The following ADTRP variants were observed in gnomAD, a reference collection of about 807,000 sequenced individuals.
The protein encoded by ADTRP is androgen dependent TFPI regulating protein, also known as androgen-dependent TFPI-regulating protein.
Under a neutral mutation model 27.0 loss-of-function variants are expected in ADTRP, and 20 were observed. The observed-to-expected ratio is 0.74, with a 90% CI of 0.52 to 1.08. The LOEUF is 1.08. ADTRP is among the 50% of genes least tolerant of loss of function. ADTRP has a pLI of 0.00. For synonymous variants in ADTRP, 101 were observed against 105.2 expected (o/e 0.96, Z 0.25); for missense variants, 251 against 275.0 (o/e 0.91, Z 0.62).
intron 4 of ADTRP, among the ~76,000 whole-genome samples, chr6:11,731,077 T>C (rs1762364860): frequency 6.6e-6 from 1 of 152,302 alleles, no homozygotes; most frequent in East Asian, 1.9e-4. Context: ...CTCAGAACAG[T>C]GTGCAGCATG....
At chr6:11,749,171 T>C (rs1325811467) in intron 3 of ADTRP, among the ~76,000 whole-genome samples, 1 of 152,110 alleles carries the variant, frequency 6.6e-6, no homozygotes, top group Non-Finnish European at 1.5e-5. Flanking sequence ...GAGTAGCTAA[T>C]GGAATGGATA....
chr6:11,770,279 T>G (rs2235390), intron 1 of ADTRP, among the ~76,000 whole-genome samples: 47,561 of 151,962 alleles, frequency 0.31, 9,028 homozygotes, highest in Non-Finnish European at 0.42. Flanking sequence ...GGGGTTGGGA[T>G]TTTTAAAATC....
chr6:11,760,728 T>A (rs77486071), intron 3 of ADTRP, among the ~76,000 whole-genome samples: 573 of 152,358 alleles, frequency 3.8e-3, no homozygotes, highest in Non-Finnish European at 7.0e-3. Context: ...GACATCATTA[T>A]CTAATAGGCA....
intron 4 of ADTRP, among the ~76,000 whole-genome samples, chr6:11,734,671 A>G (rs1762489983): frequency 6.6e-6 from 1 of 152,090 alleles, no homozygotes; most frequent in Non-Finnish European, 1.5e-5. Flanking sequence ...AGTCCATAAA[A>G]CAGGCACTGC....
At chr6:11,765,601 A>C (rs9380512) in intron 3 of ADTRP, among the ~76,000 whole-genome samples, 19,257 of 152,004 alleles carry the variant, frequency 0.13, 1,614 homozygotes, top group East Asian at 0.47. Flanking sequence ...TGAGTTAGGT[A>C]TTTGAACAAT....
At chr6:11,748,659 T>C (rs1006115602) in intron 3 of ADTRP, among the ~76,000 whole-genome samples, 1 of 152,228 alleles carries the variant, frequency 6.6e-6, no homozygotes, top group African/African-American at 2.4e-5. Flanking sequence ...ACGTACTTCA[T>C]GGAAGGCAGT....
At chr6:11,773,775 T>G (rs987751447) in intron 1 of ADTRP, among the ~76,000 whole-genome samples, 2 of 152,216 alleles carry the variant, frequency 1.3e-5, no homozygotes, top group Admixed American at 1.3e-4. Context: ...ACACAGCAAG[T>G]GAGCACAGCC....
At chr6:11,717,049 A>C in intron 5 of ADTRP, 1 of 301,250 alleles carries the variant, frequency 3.3e-6, no homozygotes, top group East Asian at 1.0e-4. Flanking sequence ...TCTATAACGC[A>C]TAGCTGGAAA....
At chr6:11,743,351 G>A (rs552246715) in intron 3 of ADTRP, among the ~76,000 whole-genome samples, 1 of 152,158 alleles carries the variant, frequency 6.6e-6, no homozygotes, top group African/African-American at 2.4e-5. Context: ...TCTTTAATGT[G>A]GTCTGCAGAG....
chr6:11,720,335 CA>C (rs1057042623), intron 5 of ADTRP, among the ~76,000 whole-genome samples: 2 of 152,144 alleles, frequency 1.3e-5, no homozygotes, highest in Admixed American at 6.5e-5. Flanking sequence ...TGAATACTGG[CA>C]CAGCAGGAAT....
intron 4 of ADTRP, among the ~76,000 whole-genome samples, chr6:11,735,074 T>A (rs557492268): frequency 6.6e-6 from 1 of 152,328 alleles, no homozygotes. Flanking sequence ...TCATCTCCCA[T>A]GCAATTGCCC....
chr6:11,772,252 G>A (rs906177489), intron 1 of ADTRP, among the ~76,000 whole-genome samples: 1 of 152,108 alleles, frequency 6.6e-6, no homozygotes, highest in African/African-American at 2.4e-5. Context: ...TTCTGAGTTC[G>A]TTAGCTGTCT....
chr6:11,756,408 C>T (rs1291387635), intron 3 of ADTRP, among the ~76,000 whole-genome samples: 1 of 152,116 alleles, frequency 6.6e-6, no homozygotes, highest in Admixed American at 6.5e-5. Flanking sequence ...TGATGTGAAA[C>T]AGTTGCTTTT....
At chr6:11,770,153 G>T in intron 1 of ADTRP, 1 of 1,428,866 alleles carries the variant, frequency 7.0e-7, no homozygotes, top group Non-Finnish European at 9.6e-7. Flanking sequence ...ATTGTGGGAG[G>T]TCAGAAGAGA....
At chr6:11,755,174 C>A (rs1763174377) in intron 3 of ADTRP, 1 of 592,234 alleles carries the variant, frequency 1.7e-6, no homozygotes, top group South Asian at 7.7e-5. Flanking sequence ...ATTTTAATTA[C>A]TAAAATTCCT....
At chr6:11,760,471 T>G (rs1278569499) in intron 3 of ADTRP, among the ~76,000 whole-genome samples, 4 of 152,164 alleles carry the variant, frequency 2.6e-5, no homozygotes, top group Admixed American at 1.3e-4. Flanking sequence ...GGCACCTCCT[T>G]CACGATCTCC....
At chr6:11,771,304 T>C (rs1229662305) in intron 1 of ADTRP, among the ~76,000 whole-genome samples, 3 of 152,166 alleles carry the variant, frequency 2.0e-5, no homozygotes, top group South Asian at 4.1e-4. Flanking sequence ...TTACTCAACA[T>C]TGAGGCGTCT....
intron 3 of ADTRP, among the ~76,000 whole-genome samples, chr6:11,761,237 C>T (rs1763381661): frequency 6.6e-6 from 1 of 152,162 alleles, no homozygotes; most frequent in South Asian, 2.1e-4. Context: ...CGCTATTAAA[C>T]CTGCCTTTTT....
chr6:11,757,804 C>A (rs1337730747), intron 3 of ADTRP, among the ~76,000 whole-genome samples: 1 of 152,218 alleles, frequency 6.6e-6, no homozygotes, highest in African/African-American at 2.4e-5. Context: ...GGAGTAGATT[C>A]TCATCTGGAG....
Sources: gnomAD v4.1 joint callset for allele counts (sites outside exome capture counted in the v4.1 genomes callset) on GRCh38, gnomAD v4.1.1 for gene constraint, MANE v1.5 for transcripts, NCBI Gene and HGNC (gene_info 2026-07-23, HGNC 2026-07-21) for gene names.